The following TCF12 variants were observed in gnomAD, a reference collection of about 807,000 sequenced individuals.
TCF12 encodes DNA-binding protein HTF4.
TCF12 carries 45 observed loss-of-function variants against 86.0 expected under a neutral mutation model. The observed-to-expected ratio is 0.52, with a 90% CI of 0.41 to 0.67. The LOEUF (loss-of-function observed/expected upper bound fraction) is 0.67. TCF12 is among the 30% of genes least tolerant of loss of function. The pLI, the probability that TCF12 is intolerant of heterozygous loss-of-function variation, is 0.00. For missense variants in TCF12, 881 were observed against 859.9 expected, an observed-to-expected ratio of 1.02 and a Z score of -0.31; for synonymous variants, 330 against 299.6, an observed-to-expected ratio of 1.10 and a Z score of -1.05.
At chr15:57,049,241 C>T (rs188721383) in intron 3 of TCF12, among the ~76,000 whole-genome samples, 1 of 152,288 alleles carries the variant, frequency 6.6e-6, no homozygotes, top group African/African-American at 2.4e-5. Flanking sequence ...CCCTCTACCC[C>T]TTTGTGCTTC....
rs8035097 is a variant in TCF12, at chr15:57,288,742, T to C, written c.*2597T>C. The C allele has an allele frequency of 0.8, 122,211 of 152,040 alleles. 49,510 individuals carry two copies. Among genetic ancestry groups the C allele is most frequent in the African/African-American group, 0.9 (37,262 of 41,482 alleles). The allele number at this position is 152,040 out of a possible 1,614,324, so 9.4% of individuals were successfully genotyped here. On this transcript the variant is annotated 3_prime_UTR_variant, in exon 21 of 21. Transcript: ENST00000333725. Reference sequence around the variant, plus strand: ...CTCCTCTTGCCCTCACTACTGACGGTGGCCTTTTAACCTTTTCCTAAAGAT... The same window carrying C: ...CTCCTCTTGCCCTCACTACTGACGGCGGCCTTTTAACCTTTTCCTAAAGAT...
rs1304106879 is a variant in TCF12 at position 57,077,341 on chromosome 15, G to T, written c.222+13518G>T. 6.5e-5 allele frequency among the ~76,000 whole-genome samples: 2 copies of T among 30,714 alleles called. 1 individual carries two copies. The highest frequency in any genetic ancestry group is 8.7e-4 in the Admixed American group (2 of 2,310). 20.1% of individuals were successfully genotyped at this position (30,714 alleles called of 152,430 possible). A position where few individuals can be genotyped will look rare whatever the true frequency, so the allele number is the denominator to read the frequency against. On this transcript the variant is annotated intron_variant, in intron 4 of 20. Coordinates refer to ENST00000333725, the MANE Select transcript of TCF12 (RefSeq NM_207037.2). ...TATGTATATATATGTGTGTGTGTGT[G>T]TGTGTGTGTGTGTGTGTGTGTGTGT...
chr15:57,145,273 A>G (rs768353467), intron 5 of TCF12, among the ~76,000 whole-genome samples: 7 of 152,314 alleles, frequency 4.6e-5, no homozygotes, highest in Non-Finnish European at 8.8e-5. Context: ...GTTACAGTAC[A>G]GAGAACCTAG....
intron 3 of TCF12, among the ~76,000 whole-genome samples, chr15:56,930,692 A>G (rs1187923783): frequency 2.0e-5 from 3 of 148,276 alleles, no homozygotes; most frequent in African/African-American, 7.9e-5. Flanking sequence ...CTTTTATCTA[A>G]GTATCAGCTA....
intron 5 of TCF12, among the ~76,000 whole-genome samples, chr15:57,098,009 CAAAAAAAA>C (rs72046243): frequency 4.1e-5 from 2 of 48,414 alleles, no homozygotes; most frequent in African/African-American, 9.4e-5. Context: ...TACAAAAATA[CAAAAAAAA>C]AAAAAAAAAA....
At chr15:57,252,115 C>T (rs1290159815) in intron 14 of TCF12, 2 of 264,816 alleles carry the variant, frequency 7.6e-6, no homozygotes, top group South Asian at 9.1e-5. Flanking sequence ...TGCTCTTATT[C>T]GTAATTCCAG....
chr15:57,031,503 A>G (rs1333414573), intron 3 of TCF12, among the ~76,000 whole-genome samples: 2 of 152,254 alleles, frequency 1.3e-5, no homozygotes, highest in African/African-American at 2.4e-5. Context: ...GAAGAAATTC[A>G]GCTTCTTTTA....
intron 3 of TCF12, among the ~76,000 whole-genome samples, chr15:57,032,398 T>C (rs1436854406): frequency 6.6e-6 from 1 of 152,162 alleles, no homozygotes. Flanking sequence ...AAATATACCT[T>C]ATAGGATTTA....
At chr15:57,056,634 T>C (rs186194966) in intron 3 of TCF12, among the ~76,000 whole-genome samples, 52 of 152,084 alleles carry the variant, frequency 3.4e-4, no homozygotes, top group Non-Finnish European at 5.9e-4. Flanking sequence ...TAATTTTAAT[T>C]TTTTTGTAGA....
At chr15:57,265,072 GTA>G (rs760535891) in intron 18 of TCF12, among the ~76,000 whole-genome samples, 11 of 4,956 alleles carry the variant, frequency 2.2e-3, no homozygotes, top group Non-Finnish European at 0.018. Context: ...ATGATAAATA[GTA>G]TAGTATAGTA....
chr15:57,157,879 G>A (rs2054226457), intron 5 of TCF12, among the ~76,000 whole-genome samples: 2 of 152,102 alleles, frequency 1.3e-5, no homozygotes, highest in East Asian at 1.9e-4. Flanking sequence ...GTTCTGGTCA[G>A]TGACTGAAAT....
intron 5 of TCF12, among the ~76,000 whole-genome samples, chr15:57,124,689 T>C (rs1302188795): frequency 6.6e-6 from 1 of 152,108 alleles, no homozygotes; most frequent in Non-Finnish European, 1.5e-5. Flanking sequence ...TTTTCTTTTT[T>C]TTTTGTGAGA....
chr15:56,941,758 C>T (rs534522989), intron 3 of TCF12, among the ~76,000 whole-genome samples: 8 of 151,438 alleles, frequency 5.3e-5, no homozygotes, highest in African/African-American at 1.7e-4. Flanking sequence ...GTATATAGTG[C>T]CCAGCCGGAA....
intron 14 of TCF12, 84 bp from the exon 15 acceptor site, chr15:57,252,337 A>G: frequency 1.0e-6 from 1 of 958,518 alleles, no homozygotes; most frequent in Non-Finnish European, 1.7e-6. Flanking sequence ...TGTTATGCTG[A>G]CATGCATATC....
chr15:57,256,062 G>T (rs899597907), intron 16 of TCF12, among the ~76,000 whole-genome samples: 6 of 152,164 alleles, frequency 3.9e-5, no homozygotes, highest in Admixed American at 2.0e-4. Flanking sequence ...GATGTATCTG[G>T]CAGGCTTAGC....
chr15:57,184,512 A>C (rs898960450), intron 6 of TCF12, among the ~76,000 whole-genome samples: 1 of 152,152 alleles, frequency 6.6e-6, no homozygotes, highest in African/African-American at 2.4e-5. Flanking sequence ...TGCCTTCCCC[A>C]TGAGAAAATG....
At chr15:57,213,218 T>C (rs986425603) in intron 8 of TCF12, among the ~76,000 whole-genome samples, 4 of 152,250 alleles carry the variant, frequency 2.6e-5, no homozygotes, top group Admixed American at 2.6e-4. Flanking sequence ...TAGATGTCTT[T>C]TCAAAGTGAA....
intron 3 of TCF12, among the ~76,000 whole-genome samples, chr15:57,029,756 G>A (rs1473727671): frequency 6.6e-6 from 1 of 152,058 alleles, no homozygotes; most frequent in African/African-American, 2.4e-5. Flanking sequence ...TTAATCCCTG[G>A]CAGCCATTGA....
intron 13 of TCF12, chr15:57,248,231 T>C (rs2059950420): frequency 4.7e-6 from 3 of 636,522 alleles, no homozygotes; most frequent in Admixed American, 2.6e-5. Flanking sequence ...GGTGCCACCA[T>C]GTTTATCTTA....
Sources: gnomAD v4.1 joint callset for allele counts (sites outside exome capture counted in the v4.1 genomes callset) on GRCh38, gnomAD v4.1.1 for gene constraint, MANE v1.5 for transcripts, NCBI Gene and HGNC (gene_info 2026-07-23, HGNC 2026-07-21) for gene names.